UBOX5: variants seen among roughly 807,000 people sequenced by gnomAD.
The protein encoded by UBOX5 is RING finger protein 37.
A neutral mutation model predicts 39.0 loss-of-function variants in UBOX5; 28 were observed. The observed-to-expected ratio is 0.72, with a 90% CI of 0.53 to 0.98. The LOEUF (loss-of-function observed/expected upper bound fraction) is 0.98, where lower values mean the gene tolerates loss of function less well. UBOX5 is among the 50% of genes least tolerant of loss of function. UBOX5 has a pLI of 0.00. For missense variants in UBOX5, 585 were observed against 674.4 expected (o/e 0.87, Z 1.47); for synonymous variants, 283 against 275.5 (o/e 1.03, Z -0.27).
intron 1 of UBOX5, among the ~76,000 whole-genome samples, chr20:3,127,339 G>A (rs927144554): frequency 3.9e-5 from 6 of 152,202 alleles, no homozygotes; most frequent in South Asian, 2.1e-4. Flanking sequence ...CATACTAAGC[G>A]TCCTGCAACA....
intron 1 of UBOX5, among the ~76,000 whole-genome samples, chr20:3,141,109 G>A (rs1246950224): frequency 6.6e-6 from 1 of 151,342 alleles, no homozygotes; most frequent in Non-Finnish European, 1.5e-5. Flanking sequence ...AGTAGAGACG[G>A]GGTTTCAACA....
rs748372333 is a variant in UBOX5, at chr20:3,110,167, A to T, written c.1565T>A (p.Met522Lys). 6.2e-7 allele frequency: 1 copy of T among 1,613,526 alleles called. No individual in the cohort carries two copies. The highest frequency in any genetic ancestry group is 1.7e-5 in the Admixed American group (1 of 60,022). ...CGGCCGCTGGCAGGCTGTGCACGTC[A>T]TGGGCAGGGAGCGTTGCTTCTCACC... The part of the protein sequence containing the change: ...CLGEKQRSLP[M>K]TCTACQRPVA... Residue 522 changes from methionine to lysine, a missense_variant, in exon 5 of 5, where the codon ATG (methionine) becomes AAG (lysine). Transcript: ENST00000217173.
In UBOX5 at chr20:3,147,057, C is replaced by T. The variant is rs142515804; in HGVS notation, c.-42+12709G>A. ...TCCATGGCCCCTGATTTATCTGCTA[C>T]ATTGCAAAGGAAGCCCCCCAGAGGT... On this transcript the variant is annotated intron_variant, in intron 1 of 4. Coordinates refer to ENST00000217173, the MANE Select transcript of UBOX5 (RefSeq NM_014948.4). 3.5e-4 allele frequency: 572 copies of T among 1,614,242 alleles called. 1 individual carries two copies. In the African/African-American group the frequency reaches 6.5e-3, roughly 18 times the overall value.
At position 3,149,863 on chromosome 20, in the gene UBOX5, C is replaced by CA. The variant is rs1281227265; in HGVS notation, c.-42+9902dup. Among the ~76,000 whole-genome samples the CA allele has an allele frequency of 6.6e-6, 1 of 151,910 alleles. No individual in the cohort carries two copies. Among genetic ancestry groups the CA allele is most frequent in the Non-Finnish European group, 1.5e-5 (1 of 67,988 alleles). The stretch of plus-strand genomic sequence containing the variant: ...CGAAATCCCGTCTCTATTAAAAATA[C>CA]AAAAAATTACCCAGGTGTGGCAGCA... On this transcript the variant is annotated intron_variant, in intron 1 of 4. Coordinates refer to ENST00000217173, the MANE Select transcript of UBOX5 (RefSeq NM_014948.4). The surrounding 1 kb of genome is among the most constrained non-coding windows in gnomAD (Gnocchi z 4.1).
intron 1 of UBOX5, among the ~76,000 whole-genome samples, chr20:3,143,552 T>A (rs984101475): frequency 2.0e-5 from 3 of 152,138 alleles, no homozygotes. Context: ...TCCCAGCACT[T>A]TGGGAGGCCG....
chr20:3,125,649 C>T (rs2066380275), intron 1 of UBOX5, among the ~76,000 whole-genome samples: 1 of 139,712 alleles, frequency 7.2e-6, no homozygotes, highest in African/African-American at 2.7e-5. Context: ...CCCGGCCACC[C>T]CGTCTGAGAA....
At chr20:3,111,913 C>T (rs1006144621) in intron 4 of UBOX5, among the ~76,000 whole-genome samples, 1 of 152,210 alleles carries the variant, frequency 6.6e-6, no homozygotes, top group Non-Finnish European at 1.5e-5. Flanking sequence ...GCACCAGGCA[C>T]CAAAGAAGGG....
chr20:3,153,828 C>T (rs2066657017), intron 1 of UBOX5, among the ~76,000 whole-genome samples: 1 of 152,150 alleles, frequency 6.6e-6, no homozygotes, highest in Admixed American at 6.5e-5. Flanking sequence ...GGACTATGTG[C>T]TTTATACTGA....
Position 3,110,237 on chromosome 20 carries a change from C to A in UBOX5, c.1495G>T (p.Val499Leu). The change falls in exon 5 of 5, where the codon GTG (valine) becomes TTG (leucine). Residue 499 changes from valine (V) to leucine (L), a missense_variant. Physicochemically the swap from Val to Leu is conservative, Grantham distance 32. Coordinates refer to ENST00000217173, the MANE Select transcript of UBOX5 (RefSeq NM_014948.4). ...AGGTGGCCGCAGGGCAGCTGGTACA[C>A]CGGCTCCTTTTTGAAGTAGGGAGAA... Reference protein sequence around the residue: ...VFSPYFKKEPVYQLPCGHLLC... With the variant: ...VFSPYFKKEPLYQLPCGHLLC... The A allele has an allele frequency of 3.1e-6, 5 of 1,614,128 alleles. No homozygotes were observed. The Admixed American group carries it at 6.7e-5, about 22-fold the overall frequency.
chr20:3,148,355 A>G, intron 1 of UBOX5: 2 of 1,614,116 alleles, frequency 1.2e-6, no homozygotes, highest in Non-Finnish European at 1.7e-6. Context: ...ATCCATATTC[A>G]TCTCCCATAC....
At chr20:3,159,092 A>AT (rs374808977) in intron 1 of UBOX5, among the ~76,000 whole-genome samples, 189 of 152,336 alleles carry the variant, frequency 1.2e-3, no homozygotes, top group Non-Finnish European at 2.4e-3. Flanking sequence ...GTCAAGACAG[A>AT]AGAGCTGTGT....
chr20:3,146,685 C>T (rs1170690083), intron 1 of UBOX5: 3 of 1,468,538 alleles, frequency 2.0e-6, no homozygotes, highest in African/African-American at 1.4e-5. Flanking sequence ...ATTTTATCGC[C>T]AAACTTACAT....
At chr20:3,158,679 T>C (rs751274845) in intron 1 of UBOX5, among the ~76,000 whole-genome samples, 27 of 152,032 alleles carry the variant, frequency 1.8e-4, no homozygotes, top group Admixed American at 3.3e-4. Flanking sequence ...TTTCACCATA[T>C]TAGCCAAGAT....
At chr20:3,131,465 C>T (rs1316517973) in intron 1 of UBOX5, among the ~76,000 whole-genome samples, 1 of 152,102 alleles carries the variant, frequency 6.6e-6, no homozygotes, top group East Asian at 1.9e-4. Flanking sequence ...AGGAGAGATT[C>T]TATTTGGTTG....
chr20:3,115,725 C>T (rs867772818), intron 3 of UBOX5, among the ~76,000 whole-genome samples: 8 of 148,284 alleles, frequency 5.4e-5, no homozygotes, highest in South Asian at 4.3e-4. Context: ...TGAGCCACCT[C>T]GTGGCTCAAC....
In UBOX5 at chr20:3,147,071, C is replaced by T; in HGVS notation, c.-42+12695G>A. On this transcript the variant is annotated intron_variant, in intron 1 of 4. Transcript: ENST00000217173. The stretch of plus-strand genomic sequence containing the variant: ...TTTATCTGCTACATTGCAAAGGAAG[C>T]CCCCCAGAGGTACAGCTGCCTTATT... 1.2e-6 allele frequency: 2 copies of T among 1,614,078 alleles called. 1 individual carries two copies. Among genetic ancestry groups the T allele is most frequent in the South Asian group, 2.2e-5 (2 of 91,082 alleles).
chr20:3,123,683 G>C (rs1263971480), intron 1 of UBOX5, among the ~76,000 whole-genome samples: 2 of 152,216 alleles, frequency 1.3e-5, no homozygotes, highest in Non-Finnish European at 1.5e-5. Context: ...ATGGAGGCAA[G>C]GCCCATCAGC....
intron 1 of UBOX5, among the ~76,000 whole-genome samples, chr20:3,124,770 G>A (rs554514966): frequency 9.6e-4 from 142 of 148,058 alleles, no homozygotes; most frequent in African/African-American, 3.2e-3. Context: ...CTGCCCAGCC[G>A]CCACCCCGTC....
In UBOX5 at chr20:3,122,321, C is replaced by T; in HGVS notation, c.318G>A (p.Glu106=). The change falls in exon 3 of 5, where the codon GAG becomes GAA. Residue 106 remains glutamate (E), a synonymous_variant. Coordinates refer to ENST00000217173, the MANE Select transcript of UBOX5 (RefSeq NM_014948.4). ...TPQCRTLGPA[E]PSVPDKEAFT... ...ACGCCTCCTTGTCTGGGACAGATGG[C>T]TCAGCTGGGCCCAGGGTCCGGCACT... 1 of 1,614,214 alleles carries T rather than the reference C, an allele frequency of 6.2e-7. No individual in the cohort carries two copies. The highest frequency in any genetic ancestry group is 2.2e-5 in the East Asian group (1 of 44,882).
Sources: allele counts gnomAD v4.1 joint callset (sites outside exome capture counted in the v4.1 genomes callset), GRCh38; gene constraint gnomAD v4.1.1; non-coding constraint Gnocchi (gnomAD v3.1); transcripts MANE v1.5; gene names NCBI Gene and HGNC (gene_info 2026-07-23, HGNC 2026-07-21).